Variants in CEMIP observed in about 807,000 individuals in gnomAD.
CEMIP encodes the protein cell migration inducing hyaluronidase 1.
CEMIP carries 105 observed loss-of-function variants against 156.9 expected under a neutral mutation model. The ratio of observed to expected loss-of-function variants is 0.67; its 90% CI spans 0.57 to 0.79. CEMIP has a LOEUF of 0.79. CEMIP is among the 30% of genes least tolerant of loss of function. The pLI is 0.00. For missense variants in CEMIP, 1,457 were observed against 1,769.4 expected, an observed-to-expected ratio of 0.82 and a Z score of 3.17; for synonymous variants, 676 against 668.4, an observed-to-expected ratio of 1.01 and a Z score of -0.17.
intron 27 of CEMIP, 127 bp downstream of exon 27, chr15:80,942,464 G>C: frequency 1.2e-6 from 1 of 806,018 alleles, no homozygotes; most frequent in Non-Finnish European, 2.1e-6. Context: ...TTCCTCCAGG[G>C]GGCTTGGGGC....
At chr15:80,938,218 A>G (rs1439375050) in intron 25 of CEMIP, 4 of 492,270 alleles carry the variant, frequency 8.1e-6, no homozygotes, top group Non-Finnish European at 1.5e-5. Flanking sequence ...GGGAATTTAC[A>G]TATTTCAGAA....
intron 1 of CEMIP, among the ~76,000 whole-genome samples, chr15:80,787,573 T>C (rs910383172): frequency 1.3e-5 from 2 of 152,188 alleles, no homozygotes; most frequent in African/African-American, 4.8e-5. Flanking sequence ...AACTGGAACA[T>C]ACTAAAACAA....
At chr15:80,871,570 G>A (rs1408843695) in intron 1 of CEMIP, among the ~76,000 whole-genome samples, 1 of 152,150 alleles carries the variant, frequency 6.6e-6, no homozygotes, top group Non-Finnish European at 1.5e-5. Context: ...GTTAGGGCAG[G>A]AGGGATGCCC....
At chr15:80,783,327 C>T (rs1252018179) in intron 1 of CEMIP, among the ~76,000 whole-genome samples, 1 of 152,364 alleles carries the variant, frequency 6.6e-6, no homozygotes, top group Admixed American at 6.5e-5. Context: ...GATAGCATAT[C>T]TTTGAAAAGT....
Position 80,906,819 on chromosome 15 carries a change from C to G in CEMIP, c.1568C>G (p.Thr523Ser). ...ATCTGCAATTTCTTTGACTTCGATA[C>G]CTTTGGGGGCCACATCAAGGTATGT... ...NHICNFFDFD[T>S]FGGHIKFALG... Residue 523 changes from threonine (T) to serine (S), a missense_variant, in exon 13 of 30, where the codon ACC (threonine) becomes AGC (serine). Physicochemically the swap from Thr to Ser is moderately conservative, Grantham distance 58. This residue lies in a region of CEMIP where 280 missense variants were observed against 300.3 expected (regional missense o/e 0.93). Coordinates refer to ENST00000394685, the MANE Select transcript of CEMIP (RefSeq NM_001293298.2). The surrounding 1 kb of genome is among the most constrained non-coding windows in gnomAD (Gnocchi z 4.3). The G allele has an allele frequency of 6.2e-7, 1 of 1,613,706 alleles. No homozygotes were observed. The highest frequency in any genetic ancestry group is 8.5e-7 in the Non-Finnish European group (1 of 1,179,798).
Position 80,898,011 on chromosome 15 carries a change from G to A in CEMIP, c.1411+1951G>A, listed in dbSNP as rs116055956. 9.2e-3 allele frequency among the ~76,000 whole-genome samples: 1,399 copies of A among 152,354 alleles called. 31 individuals are homozygous for A. Among genetic ancestry groups the A allele is most frequent in the African/African-American group, 0.032 (1,342 of 41,582 alleles). ...TCATATGAAAGATATTCACAACAAT[G>A]TGAGCAGCAATGCTGGGAGCAGTTT... is the stretch of plus-strand genomic sequence containing the variant. On this transcript the variant is annotated intron_variant, in intron 12 of 29. Coordinates refer to ENST00000394685, the MANE Select transcript of CEMIP (RefSeq NM_001293298.2).
intron 14 of CEMIP, among the ~76,000 whole-genome samples, chr15:80,916,478 G>A (rs1900279164): frequency 1.3e-5 from 2 of 152,210 alleles, no homozygotes; most frequent in South Asian, 2.1e-4. Context: ...AGAATGGGGG[G>A]AGAACTTACA....
chr15:80,799,503 T>C (rs1324693340), intron 1 of CEMIP, among the ~76,000 whole-genome samples: 1 of 152,218 alleles, frequency 6.6e-6, no homozygotes. Context: ...TGAGAGCTTA[T>C]GAAAGGTTTA....
intron 14 of CEMIP, among the ~76,000 whole-genome samples, chr15:80,911,338 A>G (rs1471022477): frequency 6.6e-6 from 1 of 152,244 alleles, no homozygotes; most frequent in Non-Finnish European, 1.5e-5. Flanking sequence ...GAAAGATAAC[A>G]GGCTTCACTG....
chr15:80,938,951 CTATCT>C (rs1197675699), intron 25 of CEMIP, among the ~76,000 whole-genome samples: 1 of 152,158 alleles, frequency 6.6e-6, no homozygotes, highest in Non-Finnish European at 1.5e-5. Flanking sequence ...AACAGATGAT[CTATCT>C]TATTTATGGC....
intron 1 of CEMIP, among the ~76,000 whole-genome samples, chr15:80,854,470 G>T (rs1897795378): frequency 6.6e-6 from 1 of 152,250 alleles, no homozygotes; most frequent in African/African-American, 2.4e-5. Context: ...ACGCAAGGCT[G>T]ACCTGTGAGC....
chr15:80,916,773 T>C (rs1429390878), intron 14 of CEMIP, among the ~76,000 whole-genome samples: 1 of 117,202 alleles, frequency 8.5e-6, no homozygotes, highest in Non-Finnish European at 2.0e-5. Flanking sequence ...CACAGCAAGT[T>C]TGTGGCTGAG....
intron 12 of CEMIP, 117 bp downstream of exon 12, chr15:80,896,177 T>A: frequency 9.5e-7 from 1 of 1,057,734 alleles, no homozygotes; most frequent in Non-Finnish European, 1.5e-6. Context: ...TAATGCTGCA[T>A]AACAAAAAAA....
At chr15:80,918,656 A>G (rs980696185) in intron 14 of CEMIP, among the ~76,000 whole-genome samples, 3 of 152,176 alleles carry the variant, frequency 2.0e-5, no homozygotes, top group Non-Finnish European at 4.4e-5. Context: ...GGATGACATC[A>G]TCGGGCAGTC....
At chr15:80,818,348 A>G (rs1896834545) in intron 1 of CEMIP, among the ~76,000 whole-genome samples, 1 of 152,218 alleles carries the variant, frequency 6.6e-6, no homozygotes, top group Non-Finnish European at 1.5e-5. Context: ...CTCATGTATC[A>G]TCGGCCAAAC....
intron 1 of CEMIP, among the ~76,000 whole-genome samples, chr15:80,816,180 C>G (rs1896784256): frequency 1.3e-5 from 2 of 152,170 alleles, no homozygotes; most frequent in Admixed American, 6.5e-5. Flanking sequence ...GAGGAATTGT[C>G]TCTGATCAAG....
chr15:80,807,830 G>A (rs933363875), intron 1 of CEMIP, among the ~76,000 whole-genome samples: 1 of 152,238 alleles, frequency 6.6e-6, no homozygotes, highest in African/African-American at 2.4e-5. Context: ...TTTGTAGTAG[G>A]GGTAGTTTAT....
rs749301411 is a variant in CEMIP at position 80,920,108 on chromosome 15, G to A, written c.1812G>A (p.Val604=). ...GACCCCTGCAGATCAAGGACGTTGT[G>A]GGCTATAACTCTTTGGGCCACTGCT... ...GSNGLLIKDV[V]GYNSLGHCFF... The change falls in exon 15 of 30, where the codon GTG becomes GTA. Residue 604 remains valine, a synonymous_variant. Transcript: ENST00000394685. 10 of 1,614,104 alleles carry A rather than the reference G, an allele frequency of 6.2e-6. No individual in the cohort carries two copies. Among genetic ancestry groups the A allele is most frequent in the Non-Finnish European group, 8.5e-6 (10 of 1,180,046 alleles).
intron 1 of CEMIP, among the ~76,000 whole-genome samples, chr15:80,819,918 A>T (rs1281880629): frequency 6.6e-6 from 1 of 152,188 alleles, no homozygotes; most frequent in East Asian, 1.9e-4. Context: ...CAGAGTCAGG[A>T]TTCAAAGGCA....
Sources: allele counts gnomAD v4.1 joint callset (sites outside exome capture counted in the v4.1 genomes callset), GRCh38; gene constraint gnomAD v4.1.1; regional missense constraint gnomAD v4.1.1; non-coding constraint Gnocchi (gnomAD v3.1); transcripts MANE v1.5; gene names NCBI Gene and HGNC (gene_info 2026-07-23, HGNC 2026-07-21).